The following TEKT3 variants were observed in gnomAD, a reference collection of about 807,000 sequenced individuals.
TEKT3 encodes tektin-3.
TEKT3 carries 49 observed loss-of-function variants against 49.8 expected under a neutral mutation model. The ratio of observed to expected loss-of-function variants is 0.98; its 90% CI spans 0.78 to 1.25. The LOEUF is 1.25. TEKT3 is among the 50% of genes most tolerant of loss of function. The pLI, the probability that TEKT3 is intolerant of heterozygous loss-of-function variation, is 0.00. For missense variants in TEKT3, 595 were observed against 629.5 expected (o/e 0.95, Z 0.59); for synonymous variants, 225 against 237.2 (o/e 0.95, Z 0.47).
chr17:15,342,670 G>A (rs955250496), upstream of TEKT3, among the ~76,000 whole-genome samples: 1 of 152,178 alleles, frequency 6.6e-6, no homozygotes, highest in Non-Finnish European at 1.5e-5. Flanking sequence ...ACCTAATCTA[G>A]AAAAGTTAGA....
chr17:15,326,629 G>A (rs2150746899), intron 4 of TEKT3, among the ~76,000 whole-genome samples: 1 of 152,318 alleles, frequency 6.6e-6, no homozygotes, highest in East Asian at 1.9e-4. Flanking sequence ...ACCATCAATA[G>A]AAAGGGACAG....
At chr17:15,338,836 T>C (rs562225634) in intron 2 of TEKT3, among the ~76,000 whole-genome samples, 78 of 152,138 alleles carry the variant, frequency 5.1e-4, no homozygotes, top group Non-Finnish European at 1.0e-3. Context: ...TAAGAGAGCA[T>C]GTGCAGCACA....
At position 15,327,825 on chromosome 17, in the gene TEKT3, A is replaced by G. The variant is rs144880619; in HGVS notation, c.663+167T>C. On this transcript the variant is annotated intron_variant, in intron 4 of 8. Coordinates refer to ENST00000395930, the MANE Select transcript of TEKT3 (RefSeq NM_031898.3). ...TTGCATTTTCATATTCTCATTGAAT[A>G]TATGTTATAACCAAGAAAAACATGT... The G allele has an allele frequency of 3.5e-3, 1,803 of 522,330 alleles. 20 individuals carry two copies. The highest frequency in any genetic ancestry group is 0.027 in the African/African-American group (1,460 of 53,112). The allele number at this position is 522,330 out of a possible 1,614,324, so 32.4% of individuals were successfully genotyped here.
intron 6 of TEKT3, 58 bp downstream of exon 6, chr17:15,314,029 G>T: frequency 6.2e-7 from 1 of 1,609,408 alleles, no homozygotes; most frequent in Non-Finnish European, 8.5e-7. Flanking sequence ...GTGTCCTTTC[G>T]AAAGGAGAAA....
intron 8 of TEKT3, among the ~76,000 whole-genome samples, chr17:15,306,095 G>A (rs2323656): frequency 0.51 from 70,836 of 138,372 alleles, 17,460 homozygotes; most frequent in African/African-American, 0.65. Flanking sequence ...ATATATGTGT[G>A]TGTGTGTGTG....
At chr17:15,308,462 C>T (rs573306220) in intron 8 of TEKT3, among the ~76,000 whole-genome samples, 1 of 152,170 alleles carries the variant, frequency 6.6e-6, no homozygotes, top group East Asian at 1.9e-4. Flanking sequence ...TTGGTGCAAC[C>T]GTCACCGCCA....
In TEKT3 at chr17:15,332,647, G is replaced by A. The variant is rs1473284947; in HGVS notation, c.-29-1033C>T. Among the ~76,000 whole-genome samples, 8 of 152,146 alleles carry A rather than the reference G, an allele frequency of 5.3e-5. No individual in the cohort carries two copies. The South Asian group carries it at 6.2e-4, about 12-fold the overall frequency. On this transcript the variant is annotated intron_variant, in intron 2 of 8. Transcript: ENST00000395930. ...GCAACCTACAACCTGTAAGCACCTC[G>A]AATGTATAACAGAAATCCTAGGGAA...
intron 2 of TEKT3, among the ~76,000 whole-genome samples, chr17:15,331,832 T>G (rs757472981): frequency 1.3e-5 from 2 of 152,180 alleles, no homozygotes; most frequent in African/African-American, 2.4e-5. Flanking sequence ...GATCACATTT[T>G]TATTGGCCAT....
intron 7 of TEKT3, among the ~76,000 whole-genome samples, chr17:15,310,373 G>A (rs1294270836): frequency 6.6e-6 from 1 of 152,174 alleles, no homozygotes; most frequent in Non-Finnish European, 1.5e-5. Context: ...CGAATCGCCA[G>A]TGCCTTGGAA....
chr17:15,328,347 C>T (rs1034928630), intron 3 of TEKT3, among the ~76,000 whole-genome samples: 9 of 152,264 alleles, frequency 5.9e-5, no homozygotes, highest in Admixed American at 2.6e-4. Flanking sequence ...ACTTGATCCC[C>T]GCAAATTAGC....
intron 4 of TEKT3, among the ~76,000 whole-genome samples, chr17:15,320,136 G>A (rs750450003): frequency 2.6e-5 from 4 of 152,076 alleles, no homozygotes; most frequent in Admixed American, 1.3e-4. Context: ...CCAGCAAGTG[G>A]CCACTGTTAC....
At chr17:15,313,711 G>T (rs1201322975) in intron 6 of TEKT3, among the ~76,000 whole-genome samples, 1 of 152,026 alleles carries the variant, frequency 6.6e-6, no homozygotes, top group African/African-American at 2.4e-5. Context: ...GTTTCACCAT[G>T]TTCGTCAGGC....
intron 2 of TEKT3, among the ~76,000 whole-genome samples, chr17:15,335,604 A>G (rs965311148): frequency 7.2e-5 from 11 of 152,228 alleles, no homozygotes; most frequent in Non-Finnish European, 1.6e-4. Context: ...CCTGACATCA[A>G]GACACTCCAA....
intron 2 of TEKT3, among the ~76,000 whole-genome samples, chr17:15,331,976 C>G (rs1207037721): frequency 6.6e-6 from 1 of 152,016 alleles, no homozygotes; most frequent in Non-Finnish European, 1.5e-5. Flanking sequence ...GTCAGGAGTT[C>G]GAGACCAGCC....
intron 3 of TEKT3, 85 bp downstream of exon 3, chr17:15,330,922 A>AT: frequency 7.4e-7 from 1 of 1,342,982 alleles, no homozygotes; most frequent in East Asian, 2.5e-5. Flanking sequence ...GAAGTAAAAC[A>AT]TAAGTCAATA....
Position 15,312,439 on chromosome 17 carries a change from A to T in TEKT3, c.921T>A (p.Asn307Lys). 6.2e-7 allele frequency: 1 copy of T among 1,614,158 alleles called. No homozygotes were observed. The highest frequency in any genetic ancestry group is 8.5e-7 in the Non-Finnish European group (1 of 1,180,038). ...PESWAKFTDD[N>K]ILRSQSERAA... ...CCCGTTCACTCTGGGAGCGGAGAAT[A>T]TTGTCATCTGTAAATTTGGCCCAGG... The change falls in exon 7 of 9, where the codon AAT becomes AAA. Residue 307 changes from asparagine (N) to lysine (K), a missense_variant. Coordinates refer to ENST00000395930, the MANE Select transcript of TEKT3 (RefSeq NM_031898.3).
At chr17:15,342,803 C>T (rs1201305779), upstream of TEKT3, among the ~76,000 whole-genome samples, 2 of 152,172 alleles carry the variant, frequency 1.3e-5, no homozygotes, top group Non-Finnish European at 2.9e-5. Context: ...TACTCATTTG[C>T]CTAGACACAA....
intron 8 of TEKT3, among the ~76,000 whole-genome samples, chr17:15,305,803 A>T (rs1567571601): frequency 6.6e-6 from 1 of 151,934 alleles, no homozygotes; most frequent in East Asian, 1.9e-4. Context: ...AAAAAAAAAA[A>T]TCGAGATATA....
At chr17:15,315,710 C>G (rs1440148537) in intron 5 of TEKT3, among the ~76,000 whole-genome samples, 1 of 151,856 alleles carries the variant, frequency 6.6e-6, no homozygotes, top group African/African-American at 2.4e-5. Context: ...ACATAGTAAA[C>G]TTGAGTGTTC....
Sources: allele counts gnomAD v4.1 joint callset (sites outside exome capture counted in the v4.1 genomes callset), GRCh38; gene constraint gnomAD v4.1.1; transcripts MANE v1.5; gene names NCBI Gene and HGNC (gene_info 2026-07-23, HGNC 2026-07-21).